UST: variants seen among roughly 807,000 people sequenced by gnomAD.
UST encodes the protein uronyl 2-sulfotransferase.
A neutral mutation model predicts 45.6 loss-of-function variants in UST; 21 were observed. The observed-to-expected ratio is 0.46, with a 90% CI of 0.33 to 0.66. The LOEUF is 0.66. Among genes scored for constraint, UST ranks in the 30% least tolerant of loss-of-function variants. The pLI, the probability that UST is intolerant of heterozygous loss-of-function variation, is 0.02. For missense variants in UST, 463 were observed against 512.4 expected (o/e 0.90, Z 0.93); for synonymous variants, 215 against 200.6 (o/e 1.07, Z -0.61).
At chr6:148,856,670 A>C in intron 1 of UST, among the ~76,000 whole-genome samples, 1 of 152,134 alleles carries the variant, frequency 6.6e-6, no homozygotes, top group South Asian at 2.1e-4. Flanking sequence ...TGGGTAAATC[A>C]CGTGTTTATG....
chr6:148,998,901 T>TG lies in UST; in HGVS notation c.682-20237dup, dbSNP rs572942953. ...ATGCCTGGTTAACCAAGGCAGCACTTGCAGCACTCACAGCAGTCAGCCAGT... is the reference window on the plus strand; with the variant it reads ...ATGCCTGGTTAACCAAGGCAGCACTTGGCAGCACTCACAGCAGTCAGCCAGT... On this transcript the variant is annotated intron_variant, in intron 5 of 7. Transcript: ENST00000367463. Among the ~76,000 whole-genome samples, 664 of 152,346 alleles carry TG rather than the reference T, an allele frequency of 4.4e-3. 1 individual carries two copies. Among genetic ancestry groups the TG allele is most frequent in the Non-Finnish European group, 7.8e-3 (532 of 68,026 alleles).
chr6:148,857,608 A>C (rs1778229134), intron 1 of UST, among the ~76,000 whole-genome samples: 2 of 152,072 alleles, frequency 1.3e-5, no homozygotes, highest in Non-Finnish European at 2.9e-5. Flanking sequence ...GAGTGGCTTG[A>C]CCGATATTGT....
At chr6:149,002,794 A>G (rs931720247) in intron 5 of UST, among the ~76,000 whole-genome samples, 24 of 152,368 alleles carry the variant, frequency 1.6e-4, no homozygotes, top group African/African-American at 5.3e-4. Flanking sequence ...GGCGTGAGCC[A>G]CTGCGCCTGG....
At chr6:149,008,322 A>G (rs1281419734) in intron 5 of UST, among the ~76,000 whole-genome samples, 1 of 152,216 alleles carries the variant, frequency 6.6e-6, no homozygotes, top group Non-Finnish European at 1.5e-5. Context: ...GATGTTTGCC[A>G]TTAAGTTTTC....
rs181302219 is a variant in UST, at chr6:148,920,048, T to C, written c.292-21231T>C. On this transcript the variant is annotated intron_variant, in intron 2 of 7. Coordinates refer to ENST00000367463, the MANE Select transcript of UST (RefSeq NM_005715.3). ...CACTCTGCATCATGGGCAGTATTTA[T>C]AGACAGAGTAGAAGGCAGGTACACA... is the stretch of plus-strand genomic sequence containing the variant. Among the ~76,000 whole-genome samples, 5 of 152,264 alleles carry C rather than the reference T, an allele frequency of 3.3e-5. 1 individual carries two copies. Among genetic ancestry groups the C allele is most frequent in the Admixed American group, 6.5e-5 (1 of 15,306 alleles).
intron 1 of UST, among the ~76,000 whole-genome samples, chr6:148,838,627 G>A (rs1777836244): frequency 6.6e-6 from 1 of 152,106 alleles, no homozygotes; most frequent in South Asian, 2.1e-4. Flanking sequence ...AGGCATGGTG[G>A]CTCAAGCCTG....
At chr6:149,073,027 C>T (rs1776841057) in intron 7 of UST, among the ~76,000 whole-genome samples, 1 of 152,162 alleles carries the variant, frequency 6.6e-6, no homozygotes, top group Admixed American at 6.5e-5. Context: ...CTATATATAA[C>T]ATTTTCATGC....
At chr6:148,868,551 A>G (rs968134246) in intron 1 of UST, among the ~76,000 whole-genome samples, 7 of 152,302 alleles carry the variant, frequency 4.6e-5, no homozygotes, top group South Asian at 2.1e-4. Flanking sequence ...TTCCCAACTC[A>G]TTTTGTTGAA....
chr6:149,034,512 T>TCCCTGCCTGCCCTCCCTTCC (rs1776200386), intron 7 of UST, among the ~76,000 whole-genome samples: 1 of 150,890 alleles, frequency 6.6e-6, no homozygotes. Context: ...TTAAGCTCTA[T>TCCCTGCCTGCCCTCCCTTCC]CCCAGCCTGC....
intron 1 of UST, among the ~76,000 whole-genome samples, chr6:148,844,501 A>G (rs1385362420): frequency 6.6e-6 from 1 of 152,194 alleles, no homozygotes; most frequent in Non-Finnish European, 1.5e-5. Context: ...TTAACCGTTG[A>G]TCCAGTCAAG....
rs1669463375 is a variant in UST at position 149,071,832 on chromosome 6, C to A, written c.938-2001C>A. Among the ~76,000 whole-genome samples, 6 of 152,104 alleles carry A rather than the reference C, an allele frequency of 3.9e-5. No individual in the cohort carries two copies. The South Asian group carries it at 1.2e-3, about 31-fold the overall frequency. ...CCCCACTTCAAAAATGGGCAAAGGA[C>A]TTGAATAGACATTTCTCTAAAGAAG... On this transcript the variant is annotated intron_variant, in intron 7 of 7. Coordinates refer to ENST00000367463, the MANE Select transcript of UST (RefSeq NM_005715.3).
intron 1 of UST, among the ~76,000 whole-genome samples, chr6:148,831,074 G>GGA (rs1777678377): frequency 6.7e-6 from 1 of 148,180 alleles, no homozygotes; most frequent in Admixed American, 6.7e-5. Context: ...AAAAGGGGGG[G>GGA]GTGGGAAGAA....
intron 5 of UST, among the ~76,000 whole-genome samples, chr6:148,989,986 A>G (rs949784390): frequency 6.6e-5 from 10 of 152,208 alleles, no homozygotes; most frequent in African/African-American, 9.6e-5. Context: ...TTGTGGAGGA[A>G]TCTCACATTT....
chr6:148,956,505 G>A (rs865883907), intron 4 of UST, among the ~76,000 whole-genome samples: 2 of 152,138 alleles, frequency 1.3e-5, no homozygotes, highest in South Asian at 4.1e-4. Flanking sequence ...CTCCCATCAG[G>A]TCCCTCCCAC....
intron 2 of UST, among the ~76,000 whole-genome samples, chr6:148,940,325 A>G: frequency 9.3e-6 from 1 of 107,076 alleles, no homozygotes; most frequent in South Asian, 3.2e-4. Flanking sequence ...TGTCTCTACC[A>G]AAAAAAAAAA....
intron 1 of UST, among the ~76,000 whole-genome samples, chr6:148,767,496 G>A (rs1485914173): frequency 6.6e-6 from 1 of 152,158 alleles, no homozygotes; most frequent in Non-Finnish European, 1.5e-5. Flanking sequence ...TCAAATAGTT[G>A]TTGCAGATTC....
intron 5 of UST, among the ~76,000 whole-genome samples, chr6:149,000,024 G>T (rs901270995): frequency 6.6e-6 from 1 of 152,230 alleles, no homozygotes; most frequent in Non-Finnish European, 1.5e-5. Flanking sequence ...CCACAGGCCA[G>T]CTGGGCTCTG....
rs899578072 is a variant in UST at position 149,075,452 on chromosome 6, A to G, written c.*1336A>G. The G allele has an allele frequency of 6.6e-6, 1 of 152,142 alleles. No individual in the cohort carries two copies. The highest frequency in any genetic ancestry group is 2.4e-5 in the African/African-American group (1 of 41,416). The allele number at this position is 152,142 out of a possible 1,614,324, so 9.4% of individuals were successfully genotyped here. ...TGAGACATCAAAAAGAAGCAGCAAG[A>G]GCTTCTGGGACAGAGACTGCTTGGC... On this transcript the variant is annotated 3_prime_UTR_variant, in exon 8 of 8. Coordinates refer to ENST00000367463, the MANE Select transcript of UST (RefSeq NM_005715.3).
intron 1 of UST, among the ~76,000 whole-genome samples, chr6:148,884,890 T>A (rs1778886142): frequency 6.6e-6 from 1 of 152,114 alleles, no homozygotes; most frequent in Non-Finnish European, 1.5e-5. Flanking sequence ...AAAACATGGA[T>A]CAAGAATGAC....
Sources: gnomAD v4.1 joint callset for allele counts (sites outside exome capture counted in the v4.1 genomes callset) on GRCh38, gnomAD v4.1.1 for gene constraint, MANE v1.5 for transcripts, NCBI Gene and HGNC (gene_info 2026-07-23, HGNC 2026-07-21) for gene names.